VWA3A: variants seen among roughly 807,000 people sequenced by gnomAD.
VWA3A encodes the protein von Willebrand factor A domain-containing protein 3A.
VWA3A carries 134 observed loss-of-function variants against 160.4 expected under a neutral mutation model. That is an observed-to-expected ratio of 0.84 (90% confidence interval 0.73 to 0.96). The LOEUF is 0.96. VWA3A is among the 40% of genes least tolerant of loss of function. The pLI, the probability that VWA3A is intolerant of heterozygous loss-of-function variation, is 0.00. For missense variants in VWA3A, 1,310 were observed against 1,447.9 expected, an observed-to-expected ratio of 0.90 and a Z score of 1.55; for synonymous variants, 476 against 543.4, an observed-to-expected ratio of 0.88 and a Z score of 1.72.
At chr16:22,122,957 C>G in intron 14 of VWA3A, 128 bp from the exon 15 acceptor site, 1 of 713,686 alleles carries the variant, frequency 1.4e-6, no homozygotes. Context: ...GGAGGGAGTT[C>G]GATCCGACCT....
intron 17 of VWA3A, among the ~76,000 whole-genome samples, chr16:22,130,127 C>T (rs994097745): frequency 5.3e-5 from 8 of 152,116 alleles, no homozygotes; most frequent in Non-Finnish European, 1.0e-4. Flanking sequence ...TATTATCCAA[C>T]GATAATAGGG....
chr16:22,150,892 C>T, intron 30 of VWA3A, 46 bp downstream of exon 30: 1 of 1,574,074 alleles, frequency 6.4e-7, no homozygotes, highest in Non-Finnish European at 8.6e-7. Flanking sequence ...TTTCCACAGC[C>T]ACACATCTCA....
At chr16:22,113,478 G>A (rs1390456511) in intron 8 of VWA3A, among the ~76,000 whole-genome samples, 1 of 146,226 alleles carries the variant, frequency 6.8e-6, no homozygotes, top group Non-Finnish European at 1.5e-5. Context: ...GCCCTCCTTG[G>A]CCTCCCAAAG....
At chr16:22,131,872 A>C (rs575329070) in intron 19 of VWA3A, 143 bp downstream of exon 19, 2 of 1,233,146 alleles carry the variant, frequency 1.6e-6, no homozygotes, top group East Asian at 5.2e-5. Context: ...GCACCTAAGG[A>C]TGCTGTTAAA....
Position 22,152,591 on chromosome 16 carries a change from C to G in VWA3A, c.3362C>G (p.Ser1121Cys), listed in dbSNP as rs776642248. 6.2e-7 allele frequency: 1 copy of G among 1,610,578 alleles called. No individual in the cohort carries two copies. Among genetic ancestry groups the G allele is most frequent in the Non-Finnish European group, 8.5e-7 (1 of 1,178,470 alleles). ...TGCCCTGTGGGTGAGGACACACTCT[C>G]CAAAATTCACAGCCTGCTGACCAAA... ...YHCPVGEDTL[S>C]KIHSLLTKGF... Residue 1121 changes from serine to cysteine, a missense_variant, in exon 31 of 34, where the codon TCC becomes TGC. Transcript: ENST00000389398.
In VWA3A at chr16:22,097,697, T is replaced by C. The variant is rs2141829041; in HGVS notation, c.225+2T>C. ...GTTAACCAGACACAGGACTTACTGG[T>C]AAAGACCATGGCACTTTAACTGGGT... On this transcript the variant is annotated splice_donor_variant, in intron 3 of 33. Transcript: ENST00000389398. LOFTEE classifies it high-confidence loss of function. 6.4e-7 allele frequency: 1 copy of C among 1,551,422 alleles called. No individual in the cohort carries two copies. Among genetic ancestry groups the C allele is most frequent in the African/African-American group, 1.4e-5 (1 of 73,194 alleles).
intron 14 of VWA3A, 149 bp from the exon 15 acceptor site, chr16:22,122,936 G>A (rs2045770961): frequency 3.1e-6 from 2 of 647,724 alleles, no homozygotes; most frequent in Non-Finnish European, 5.6e-6. Flanking sequence ...TGTGTGTGTG[G>A]TGGAGATGTG....
At chr16:22,112,771 G>A (rs1037139306) in intron 8 of VWA3A, among the ~76,000 whole-genome samples, 5 of 152,162 alleles carry the variant, frequency 3.3e-5, no homozygotes, top group African/African-American at 4.8e-5. Flanking sequence ...TTTCTAGGAC[G>A]GAGGCCCCCT....
At chr16:22,093,028 C>A (rs1445617496) in intron 1 of VWA3A, among the ~76,000 whole-genome samples, 2 of 152,064 alleles carry the variant, frequency 1.3e-5, no homozygotes, top group African/African-American at 4.8e-5. Context: ...TCTGCCATGG[C>A]CTGGTTGTTC....
chr16:22,152,457 C>T lies in VWA3A; in HGVS notation c.3282-54C>T, dbSNP rs977794619. ...TTCCCCATGGACGTGGGGAGTCACA[C>T]GAACTTGCCTGGTCAGTCAGCCTTC... On this transcript the variant is annotated intron_variant, in intron 30 of 33. Coordinates refer to ENST00000389398, the MANE Select transcript of VWA3A (RefSeq NM_173615.5). The T allele has an allele frequency of 1.4e-5, 22 of 1,598,522 alleles. No homozygotes were observed. In the Admixed American group the frequency reaches 2.8e-4, roughly 20 times the overall value.
chr16:22,102,105 C>T (rs1267707162), intron 5 of VWA3A, among the ~76,000 whole-genome samples: 3 of 152,148 alleles, frequency 2.0e-5, no homozygotes, highest in Admixed American at 1.3e-4. Context: ...CCTGTAATCA[C>T]TTTGGGAGGT....
intron 12 of VWA3A, 94 bp downstream of exon 12, chr16:22,119,121 G>T: frequency 7.3e-7 from 1 of 1,370,062 alleles, no homozygotes. Context: ...GGGCACAGCT[G>T]CCAGTGCCTG....
intron 24 of VWA3A, among the ~76,000 whole-genome samples, 173 bp from the exon 25 acceptor site, chr16:22,142,495 C>T (rs148886736): frequency 4.9e-4 from 75 of 152,064 alleles, no homozygotes; most frequent in African/African-American, 1.7e-3. Flanking sequence ...AGAACTTACT[C>T]GCTCCCCACC....
chr16:22,148,191 G>A lies in VWA3A; in HGVS notation c.2869G>A (p.Glu957Lys). The A allele has an allele frequency of 6.2e-7, 1 of 1,603,888 alleles. No individual in the cohort carries two copies. The highest frequency in any genetic ancestry group is 8.5e-7 in the Non-Finnish European group (1 of 1,175,512). ...GSRRLFGTVLESKVCILLDTS... is the reference protein window; with the variant it reads ...GSRRLFGTVLKSKVCILLDTS... ...CCGCCGACTGTTTGGCACCGTTTTG[G>A]AGAGCAAAGTATGCATATTGCTGGA... Residue 957 changes from glutamate (E) to lysine (K), a missense_variant, in exon 28 of 34, where the codon GAG becomes AAG. Coordinates refer to ENST00000389398, the MANE Select transcript of VWA3A (RefSeq NM_173615.5).
intron 6 of VWA3A, among the ~76,000 whole-genome samples, chr16:22,109,007 A>C (rs973011425): frequency 2.6e-5 from 4 of 152,220 alleles, no homozygotes; most frequent in African/African-American, 7.2e-5. Flanking sequence ...ATGCCATCTC[A>C]AAAAGAAGAA....
intron 21 of VWA3A, among the ~76,000 whole-genome samples, chr16:22,136,891 A>ACACG (rs796823028): frequency 1.7e-5 from 2 of 121,180 alleles, no homozygotes; most frequent in Admixed American, 7.7e-5. Context: ...ACACACACAC[A>ACACG]CACGCACACA....
At chr16:22,134,158 G>A (rs2046000479) in intron 20 of VWA3A, among the ~76,000 whole-genome samples, 1 of 151,864 alleles carries the variant, frequency 6.6e-6, no homozygotes, top group African/African-American at 2.4e-5. Flanking sequence ...TATAGAGAAG[G>A]GGTCTCACTA....
intron 22 of VWA3A, 124 bp downstream of exon 22, chr16:22,138,636 C>T (rs2046088097): frequency 3.1e-6 from 4 of 1,300,580 alleles, no homozygotes; most frequent in Non-Finnish European, 4.2e-6. Context: ...GGTGAGTGTC[C>T]TGTGGGTGCC....
chr16:22,131,215 A>G lies in VWA3A; in HGVS notation c.1663A>G (p.Thr555Ala). The change falls in exon 18 of 34, where the codon ACA (threonine) becomes GCA (alanine). Residue 555 changes from threonine (T) to alanine (A), a missense_variant. By Grantham distance (58) the Thr-to-Ala change is moderately conservative. Coordinates refer to ENST00000389398, the MANE Select transcript of VWA3A (RefSeq NM_173615.5). ...DCFNLIAFGS[T>A]IESWRPEMVP... ...CTTTGCTTCTTAAAGGTTTGGAAGC[A>G]CAATTGAAAGCTGGAGGCCTGAGAT... 6.2e-7 allele frequency: 1 copy of G among 1,613,960 alleles called. No homozygotes were observed.
Sources: gnomAD v4.1 joint callset for allele counts (sites outside exome capture counted in the v4.1 genomes callset) on GRCh38, gnomAD v4.1.1 for gene constraint, MANE v1.5 for transcripts, NCBI Gene and HGNC (gene_info 2026-07-23, HGNC 2026-07-21) for gene names.